H2AZ2: variants seen among roughly 807,000 people sequenced by gnomAD.
H2AZ2 encodes the protein histone H2A.V.
A neutral mutation model predicts 15.5 loss-of-function variants in H2AZ2; 5 were observed. That is an observed-to-expected ratio of 0.32 (90% CI 0.17 to 0.68). The LOEUF (loss-of-function observed/expected upper bound fraction) is 0.68. Ranked by LOEUF, H2AZ2 falls within the 30% of genes least tolerant of loss-of-function variation. The pLI, the probability that H2AZ2 is intolerant of heterozygous loss-of-function variation, is 0.72. For missense variants in H2AZ2, 42 were observed against 162.5 expected (o/e 0.26, Z 4.03); for synonymous variants, 44 against 57.4 (o/e 0.77, Z 1.05).
chr7:44,837,479 G>A (rs1434532699), intron 3 of H2AZ2, among the ~76,000 whole-genome samples: 2 of 130,430 alleles, frequency 1.5e-5, no homozygotes, highest in African/African-American at 5.7e-5. Flanking sequence ...CACATTCATT[G>A]TCCAATCTTA....
rs1056072925 is a variant in H2AZ2, at chr7:44,832,285, T to C, written c.*2216A>G. Among the ~76,000 whole-genome samples, 2 of 152,164 alleles carry C rather than the reference T, an allele frequency of 1.3e-5. No individual in the cohort carries two copies. Among genetic ancestry groups the C allele is most frequent in the Admixed American group, 1.3e-4 (2 of 15,274 alleles). On this transcript the variant is annotated 3_prime_UTR_variant, in exon 5 of 5. Coordinates refer to ENST00000308153, the MANE Select transcript of H2AZ2 (RefSeq NM_012412.5). ...GTTTTAGCAGTCTTACACAATGGTA[T>C]TGTGGTTATGTTCAAAAAAGTACCC... is the stretch of plus-strand genomic sequence containing the variant.
chr7:44,841,460 G>A (rs1399792760), intron 2 of H2AZ2, among the ~76,000 whole-genome samples: 2 of 152,116 alleles, frequency 1.3e-5, no homozygotes, highest in East Asian at 3.9e-4. Flanking sequence ...TTCTGAAAAA[G>A]AGGGTATTTT....
At chr7:44,830,132 G>T (rs773120293), downstream of H2AZ2, 6 of 1,613,200 alleles carry the variant, frequency 3.7e-6, no homozygotes, top group Non-Finnish European at 5.1e-6. Context: ...TAATACAATG[G>T]CATCTTCTGA....
chr7:44,828,724 T>C (rs566158658), downstream of H2AZ2: 1 of 152,366 alleles, frequency 6.6e-6, no homozygotes, highest in South Asian at 2.1e-4. Flanking sequence ...TTAGTGGCTT[T>C]AAACTAAGTT....
Position 44,834,361 on chromosome 7 carries a change from T to C in H2AZ2, c.*140A>G. ...AACTTCGAGTCTAAGAACATACAAA[T>C]GTTTCTTTTATCATGTCTACAGTAA... On this transcript the variant is annotated 3_prime_UTR_variant, in exon 5 of 5. Coordinates refer to ENST00000308153, the MANE Select transcript of H2AZ2 (RefSeq NM_012412.5). 7.4e-7 allele frequency: 1 copy of C among 1,343,760 alleles called. No homozygotes were observed. The highest frequency in any genetic ancestry group is 9.6e-7 in the Non-Finnish European group (1 of 1,036,920). The allele number at this position is 1,343,760 out of a possible 1,614,324, so 83.2% of individuals were successfully genotyped here.
chr7:44,837,957 A>C (rs573343279), intron 3 of H2AZ2, among the ~76,000 whole-genome samples: 2 of 151,738 alleles, frequency 1.3e-5, no homozygotes, highest in Middle Eastern at 3.4e-3. Context: ...CAGAACCTTT[A>C]ATAGCTGAAA....
At chr7:44,835,782 T>TTGTATTTCATTATA (rs1793105009) in intron 3 of H2AZ2, 124 bp from the exon 4 acceptor site, 1 of 812,072 alleles carries the variant, frequency 1.2e-6, no homozygotes, top group Non-Finnish European at 1.8e-6. Flanking sequence ...TTTTTCTTTC[T>TTGTATTTCATTATA]TGTATTTCTA....
At chr7:44,846,062 C>CACACACACACACACACAGAGAG (rs57468916) in intron 1 of H2AZ2, among the ~76,000 whole-genome samples, 1 of 75,060 alleles carries the variant, frequency 1.3e-5, no homozygotes, top group Admixed American at 1.4e-4. Flanking sequence ...CACACACACA[C>CACACACACACACACACAGAGAG]AGAGAGAGAC....
chr7:44,833,334 G>A lies in H2AZ2; in HGVS notation c.*1167C>T, dbSNP rs901639302. Among the ~76,000 whole-genome samples, 20 of 152,158 alleles carry A rather than the reference G, an allele frequency of 1.3e-4. No individual in the cohort carries two copies. Among genetic ancestry groups the A allele is most frequent in the African/African-American group, 7.2e-5 (3 of 41,436 alleles). ...TGCAAGCTCCGCCTCCCGGGTTCACGTCATTCTCATGCCTCAGCCTCCTGA... is the reference window on the plus strand; with the variant it reads ...TGCAAGCTCCGCCTCCCGGGTTCACATCATTCTCATGCCTCAGCCTCCTGA... On this transcript the variant is annotated 3_prime_UTR_variant, in exon 5 of 5. Coordinates refer to ENST00000308153, the MANE Select transcript of H2AZ2 (RefSeq NM_012412.5).
downstream of H2AZ2, chr7:44,829,049 A>C (rs1257845728): frequency 6.6e-6 from 1 of 152,210 alleles, no homozygotes; most frequent in African/African-American, 2.4e-5. Context: ...TTTTAGTTAC[A>C]TCTGCAAAGT....
rs1241224991 is a variant in H2AZ2 at position 44,835,298 on chromosome 7, G to A, written c.325+231C>T. ...AAACATCAGGCTTTAAGTATCATATGAAATTTAGACAAAGAACTGGCTAAA... is the reference window on the plus strand; with the variant it reads ...AAACATCAGGCTTTAAGTATCATATAAAATTTAGACAAAGAACTGGCTAAA... On this transcript the variant is annotated intron_variant, in intron 4 of 4. Transcript: ENST00000308153. 137 of 435,018 alleles carry A rather than the reference G, an allele frequency of 3.1e-4. 1 individual carries two copies. The East Asian group carries it at 4.5e-3, about 14-fold the overall frequency. 26.9% of individuals were successfully genotyped at this position (435,018 alleles called of 1,614,324 possible).
chr7:44,843,137 C>CAAAAAAAAAAAAAAAAAAAAAAAAAAAAA lies in H2AZ2; in HGVS notation c.81+111_81+139dup, dbSNP rs55941046. The CAAAAAAAAAAAAAAAAAAAAAAAAAAAAA allele has an allele frequency of 3.6e-5, 3 of 84,038 alleles. 1 individual carries two copies. The highest frequency in any genetic ancestry group is 3.0e-4 in the African/African-American group (2 of 6,636). 5.2% of individuals were successfully genotyped at this position (84,038 alleles called of 1,614,324 possible). A position where few individuals can be genotyped will look rare whatever the true frequency, so the allele number is the denominator to read the frequency against. On this transcript the variant is annotated intron_variant, in intron 2 of 4. Transcript: ENST00000308153. ...CTGACGACAGAGTGAGACTCTGTCT[C>CAAAAAAAAAAAAAAAAAAAAAAAAAAAAA]AAAAAAAAAAAAAAAAAAAAAAAAA...
chr7:44,841,288 G>T (rs1793270048), intron 2 of H2AZ2, among the ~76,000 whole-genome samples: 1 of 152,064 alleles, frequency 6.6e-6, no homozygotes, highest in African/African-American at 2.4e-5. Flanking sequence ...CATGACCCAT[G>T]GATCAAATTC....
chr7:44,830,847 C>G (rs542219685), downstream of H2AZ2, among the ~76,000 whole-genome samples: 1 of 152,052 alleles, frequency 6.6e-6, no homozygotes, highest in African/African-American at 2.4e-5. Flanking sequence ...CACAAATAAA[C>G]AAACAAACAA....
At position 44,833,614 on chromosome 7, in the gene H2AZ2, G is replaced by T; in HGVS notation, c.*887C>A. ...GTTCCACCAGCCTCGGTCTCCCGAA[G>T]TGTTGGGATTACAGGCGTAAACCAC... On this transcript the variant is annotated 3_prime_UTR_variant, in exon 5 of 5. Coordinates refer to ENST00000308153, the MANE Select transcript of H2AZ2 (RefSeq NM_012412.5). The T allele has an allele frequency of 1.2e-6, 1 of 836,568 alleles. No homozygotes were observed. Among genetic ancestry groups the T allele is most frequent in the Non-Finnish European group, 1.4e-6 (1 of 694,004 alleles). 51.8% of individuals were successfully genotyped at this position (836,568 alleles called of 1,614,324 possible). A position where few individuals can be genotyped will look rare whatever the true frequency, so the allele number is the denominator to read the frequency against.
downstream of H2AZ2, among the ~76,000 whole-genome samples, chr7:44,831,185 A>G (rs1337643525): frequency 6.6e-6 from 1 of 152,152 alleles, no homozygotes; most frequent in Non-Finnish European, 1.5e-5. Context: ...AAAATAAAAT[A>G]AAACATAAAA....
At position 44,840,978 on chromosome 7, in the gene H2AZ2, G is replaced by C; in HGVS notation, c.116C>G (p.Thr39Ser). The C allele has an allele frequency of 6.2e-7, 1 of 1,614,102 alleles. No individual in the cohort carries two copies. The highest frequency in any genetic ancestry group is 8.5e-7 in the Non-Finnish European group (1 of 1,179,970). The change falls in exon 3 of 5, where the codon ACT (threonine) becomes AGT (serine). Residue 39 changes from threonine (T) to serine (S), a missense_variant. Coordinates refer to ENST00000308153, the MANE Select transcript of H2AZ2 (RefSeq NM_012412.5). ...CACCCTTCCATGGCTTGTGGTGCGA[G>C]TCTTCAAGTGTCTGTGGATGCGGCC... ...PVGRIHRHLK[T>S]RTTSHGRVGA...
downstream of H2AZ2, chr7:44,828,114 T>C (rs1792951308): frequency 6.6e-6 from 1 of 152,330 alleles, no homozygotes; most frequent in South Asian, 2.1e-4. Flanking sequence ...CTATGCCCTG[T>C]GATGCTCTTC....
chr7:44,831,872 T>C (rs1793005140), downstream of H2AZ2, among the ~76,000 whole-genome samples: 1 of 152,184 alleles, frequency 6.6e-6, no homozygotes, highest in Non-Finnish European at 1.5e-5. Context: ...ACTATCAATC[T>C]TAATGTTACA....
Sources: gnomAD v4.1 joint callset for allele counts (sites outside exome capture counted in the v4.1 genomes callset) on GRCh38, gnomAD v4.1.1 for gene constraint, MANE v1.5 for transcripts, NCBI Gene and HGNC (gene_info 2026-07-23, HGNC 2026-07-21) for gene names.